ENOX1: variants seen among roughly 807,000 people sequenced by gnomAD.
The protein encoded by ENOX1 is candidate growth-related and time keeping constitutive hydroquinone (NADH) oxidase.
ENOX1 carries 42 observed loss-of-function variants against 82.5 expected under a neutral mutation model. The observed-to-expected ratio is 0.51, with a 90% CI of 0.40 to 0.66. ENOX1 has a LOEUF of 0.66. Ranked by LOEUF, ENOX1 falls within the 30% of genes least tolerant of loss-of-function variation. The pLI, the probability that ENOX1 is intolerant of heterozygous loss-of-function variation, is 0.00. For synonymous variants in ENOX1, 271 were observed against 282.2 expected (o/e 0.96, Z 0.40); for missense variants, 608 against 811.6 (o/e 0.75, Z 3.05).
chr13:43,665,080 T>C (rs931996323), intron 2 of ENOX1, among the ~76,000 whole-genome samples: 8 of 152,148 alleles, frequency 5.3e-5, no homozygotes, highest in African/African-American at 1.9e-4. Context: ...CTCTAGACAC[T>C]GGTCTGCCTG....
chr13:43,378,499 C>T (rs1206134249), intron 5 of ENOX1, among the ~76,000 whole-genome samples: 1 of 152,056 alleles, frequency 6.6e-6, no homozygotes, highest in African/African-American at 2.4e-5. Flanking sequence ...AGGAATAATC[C>T]ATAAAGATTA....
chr13:43,454,907 G>A (rs992878735), intron 3 of ENOX1, among the ~76,000 whole-genome samples: 10 of 151,152 alleles, frequency 6.6e-5, no homozygotes, highest in Non-Finnish European at 1.5e-4. Context: ...TTCCCTGGAG[G>A]AGCCTCCCGT....
intron 3 of ENOX1, among the ~76,000 whole-genome samples, chr13:43,448,709 G>GT (rs2056793560): frequency 6.6e-6 from 1 of 152,072 alleles, no homozygotes; most frequent in Admixed American, 6.6e-5. Context: ...TTTCAGTTCA[G>GT]TAAGTGAGAA....
rs71808213 is a variant in ENOX1 at position 43,445,125 on chromosome 13, GT to G, written c.-74-32138del. 2.6e-3 allele frequency among the ~76,000 whole-genome samples: 361 copies of G among 137,784 alleles called. 1 individual carries two copies. The highest frequency in any genetic ancestry group is 0.011 in the Middle Eastern group (3 of 266). 90.4% of individuals were successfully genotyped at this position (137,784 alleles called of 152,430 possible). ...TAGAGAAATGTTTCCTTCTTTCTGG[GT>G]TTTTTTTTTTTTTTTGATACGGAGT... is the stretch of plus-strand genomic sequence containing the variant. On this transcript the variant is annotated intron_variant, in intron 3 of 16. Transcript: ENST00000690772.
At chr13:43,453,848 G>C (rs1056311405) in intron 3 of ENOX1, among the ~76,000 whole-genome samples, 1 of 152,138 alleles carries the variant, frequency 6.6e-6, no homozygotes, top group Non-Finnish European at 1.5e-5. Flanking sequence ...GGAAAATATA[G>C]GTGTTGTACA....
intron 3 of ENOX1, among the ~76,000 whole-genome samples, chr13:43,480,442 GATT>G (rs1398719453): frequency 6.6e-6 from 1 of 152,110 alleles, no homozygotes; most frequent in Non-Finnish European, 1.5e-5. Flanking sequence ...TAAAATTTTG[GATT>G]ATGCAGATTT....
chr13:43,683,683 G>C (rs2085911279), intron 1 of ENOX1, among the ~76,000 whole-genome samples: 1 of 151,988 alleles, frequency 6.6e-6, no homozygotes, highest in African/African-American at 2.4e-5. Context: ...GCCAGCACAG[G>C]GGTATGTGCC....
intron 2 of ENOX1, among the ~76,000 whole-genome samples, chr13:43,585,712 G>A (rs972909433): frequency 1.3e-5 from 2 of 152,234 alleles, no homozygotes; most frequent in Admixed American, 6.5e-5. Flanking sequence ...CAAGTAGCTG[G>A]GATTACAGGC....
chr13:43,781,223 CA>C (rs1424706913), intron 1 of ENOX1, among the ~76,000 whole-genome samples: 2 of 152,214 alleles, frequency 1.3e-5, no homozygotes, highest in East Asian at 3.9e-4. Context: ...TTTTACTATC[CA>C]CACAAATGAA....
intron 1 of ENOX1, among the ~76,000 whole-genome samples, chr13:43,714,607 G>T (rs2087980322): frequency 6.6e-6 from 1 of 152,126 alleles, no homozygotes; most frequent in African/African-American, 2.4e-5. Flanking sequence ...CCTGTGTTGG[G>T]TGCATATATA....
At chr13:43,529,254 A>C (rs972677218) in intron 2 of ENOX1, among the ~76,000 whole-genome samples, 1 of 151,920 alleles carries the variant, frequency 6.6e-6, no homozygotes, top group African/African-American at 2.4e-5. Context: ...TGCTGTAGGC[A>C]CTCATTCCCA....
chr13:43,356,105 G>A lies in ENOX1; in HGVS notation c.637C>T (p.Arg213Cys), dbSNP rs1386716095. 9 of 1,614,106 alleles carry A rather than the reference G, an allele frequency of 5.6e-6. No individual in the cohort carries two copies. The highest frequency in any genetic ancestry group is 7.6e-6 in the Non-Finnish European group (9 of 1,180,022). Residue 213 changes from arginine to cysteine, a missense_variant, in exon 8 of 17, where the codon CGC (arginine) becomes TGC (cysteine). Transcript: ENST00000690772. ...GCCTGGGCAAAGTCCACATGAAGGC[G>A]GCCTGAATCCTTTTTGTCGGTGCTA... ...GSSTDKKDSG[R>C]LHVDFAQARD...
At chr13:43,472,111 C>G (rs1214712947) in intron 3 of ENOX1, among the ~76,000 whole-genome samples, 1 of 151,984 alleles carries the variant, frequency 6.6e-6, no homozygotes, top group East Asian at 1.9e-4. Context: ...ATAATTTCCT[C>G]ATTTATAAAA....
At chr13:43,420,567 G>A (rs945539273) in intron 3 of ENOX1, among the ~76,000 whole-genome samples, 4 of 152,186 alleles carry the variant, frequency 2.6e-5, no homozygotes, top group African/African-American at 9.7e-5. Context: ...GCTCTGTAAA[G>A]TGTGGTAAAA....
At chr13:43,254,774 C>A (rs565802197) in intron 14 of ENOX1, among the ~76,000 whole-genome samples, 2 of 152,030 alleles carry the variant, frequency 1.3e-5, no homozygotes, top group Admixed American at 1.3e-4. Flanking sequence ...ACTAACAAAT[C>A]GGAACACCTA....
chr13:43,311,973 T>G (rs1382858093), intron 11 of ENOX1, among the ~76,000 whole-genome samples: 1 of 152,198 alleles, frequency 6.6e-6, no homozygotes, highest in East Asian at 1.9e-4. Flanking sequence ...AACTGACTGG[T>G]AAATCACTAC....
At chr13:43,316,671 T>C (rs917950025) in intron 11 of ENOX1, among the ~76,000 whole-genome samples, 1 of 151,632 alleles carries the variant, frequency 6.6e-6, no homozygotes, top group African/African-American at 2.4e-5. Flanking sequence ...GCATATCCAT[T>C]ACGGAAAGGG....
chr13:43,785,563 T>G (rs915029694), intron 1 of ENOX1, among the ~76,000 whole-genome samples: 2 of 152,222 alleles, frequency 1.3e-5, no homozygotes, highest in African/African-American at 4.8e-5. Flanking sequence ...GCCAGTTTTT[T>G]TCATGTAATG....
At chr13:43,300,814 AT>A (rs1240494344) in intron 11 of ENOX1, among the ~76,000 whole-genome samples, 1 of 152,074 alleles carries the variant, frequency 6.6e-6, no homozygotes, top group Non-Finnish European at 1.5e-5. Flanking sequence ...AATAAAGGAG[AT>A]TTCATTTGGT....
Sources: gnomAD v4.1 joint callset for allele counts (sites outside exome capture counted in the v4.1 genomes callset) on GRCh38, gnomAD v4.1.1 for gene constraint, MANE v1.5 for transcripts, NCBI Gene and HGNC (gene_info 2026-07-23, HGNC 2026-07-21) for gene names.